Variants in ZCWPW2 observed in about 807,000 individuals in gnomAD.
The protein encoded by ZCWPW2 is zinc finger CW-type PWWP domain protein 2.
Under a neutral mutation model 46.6 loss-of-function variants are expected in ZCWPW2, and 45 were observed. The observed-to-expected ratio is 0.96, with a 90% CI of 0.76 to 1.24. The LOEUF is 1.24. Among genes scored for constraint, ZCWPW2 ranks in the 50% most tolerant of loss-of-function variants. ZCWPW2 has a pLI of 0.00. For missense variants in ZCWPW2, 429 were observed against 403.9 expected (o/e 1.06, Z -0.53); for synonymous variants, 152 against 137.1 (o/e 1.11, Z -0.76).
intron 4 of ZCWPW2, among the ~76,000 whole-genome samples, chr3:28,446,933 C>T (rs1199561961): frequency 6.6e-6 from 1 of 152,006 alleles, no homozygotes; most frequent in Non-Finnish European, 1.5e-5. Flanking sequence ...GGACAAATTC[C>T]TGGAAACACA....
At chr3:28,477,182 G>C (rs1349475168) in intron 4 of ZCWPW2, among the ~76,000 whole-genome samples, 1 of 152,124 alleles carries the variant, frequency 6.6e-6, no homozygotes, top group East Asian at 1.9e-4. Flanking sequence ...AATCTGTGAA[G>C]GCTAGCTTAG....
At chr3:28,441,002 G>A (rs1305116287) in intron 4 of ZCWPW2, among the ~76,000 whole-genome samples, 1 of 152,166 alleles carries the variant, frequency 6.6e-6, no homozygotes, top group Non-Finnish European at 1.5e-5. Context: ...AGTGGCTGTA[G>A]CCAGGTCACC....
At chr3:28,431,877 C>A (rs1697271554) in intron 3 of ZCWPW2, among the ~76,000 whole-genome samples, 1 of 152,246 alleles carries the variant, frequency 6.6e-6, no homozygotes, top group South Asian at 2.1e-4. Context: ...CACAGTTCAG[C>A]ATGGCTGGGG....
chr3:28,510,428 G>T (rs1700396126), intron 6 of ZCWPW2, among the ~76,000 whole-genome samples: 1 of 152,068 alleles, frequency 6.6e-6, no homozygotes, highest in African/African-American at 2.4e-5. Context: ...TTTGACTTTT[G>T]TAAATCCTCT....
chr3:28,420,096 G>T (rs1696706359), intron 3 of ZCWPW2, among the ~76,000 whole-genome samples: 1 of 151,768 alleles, frequency 6.6e-6, no homozygotes, highest in Non-Finnish European at 1.5e-5. Context: ...ACAGCTCCTG[G>T]AATCATTGAT....
At chr3:28,362,762 C>T (rs1704990500) in intron 1 of ZCWPW2, among the ~76,000 whole-genome samples, 1 of 152,096 alleles carries the variant, frequency 6.6e-6, no homozygotes, top group Non-Finnish European at 1.5e-5. Flanking sequence ...AAGACACATG[C>T]ATGTGTATGT....
At chr3:28,495,405 A>T (rs1189341721) in intron 6 of ZCWPW2, among the ~76,000 whole-genome samples, 1 of 152,130 alleles carries the variant, frequency 6.6e-6, no homozygotes, top group African/African-American at 2.4e-5. Flanking sequence ...TTGCTAAATG[A>T]TATTTAGAAT....
chr3:28,453,797 A>ATATTTATT lies in ZCWPW2; in HGVS notation c.492+18558_492+18565dup, dbSNP rs202155639. Among the ~76,000 whole-genome samples the ATATTTATT allele has an allele frequency of 9.9e-4, 146 of 148,174 alleles. 1 individual carries two copies. The highest frequency in any genetic ancestry group is 3.1e-3 in the African/African-American group (125 of 40,200). On this transcript the variant is annotated intron_variant, in intron 4 of 9. Coordinates refer to ENST00000383768, the MANE Select transcript of ZCWPW2 (RefSeq NM_001040432.4). ...TAATTGTGAAAGTTTATAATTGTGT[A>ATATTTATT]TATTTATTTATTTATTTATTTATTT...
At chr3:28,488,566 A>AATTATGTTAATATTTGT (rs1349352768) in intron 5 of ZCWPW2, among the ~76,000 whole-genome samples, 3 of 152,206 alleles carry the variant, frequency 2.0e-5, no homozygotes, top group Non-Finnish European at 4.4e-5. Flanking sequence ...TAAATCATTG[A>AATTATGTTAATATTTGT]ATTATGTTAA....
Position 28,492,178 on chromosome 3 carries a change from G to A in ZCWPW2, c.657+5G>A. On this transcript the variant is annotated splice_donor_5th_base_variant and intron_variant, in intron 6 of 9. Transcript: ENST00000383768. ...GCTGCACTGGTCAAGAAAAGGGTAA[G>A]ATTGTGTTTTATTATATAAAATATA... is the stretch of plus-strand genomic sequence containing the variant. The A allele has an allele frequency of 1.9e-6, 3 of 1,601,698 alleles. No homozygotes were observed. The highest frequency in any genetic ancestry group is 1.7e-5 in the Admixed American group (1 of 58,706).
intron 5 of ZCWPW2, among the ~76,000 whole-genome samples, chr3:28,488,845 A>C (rs1392241718): frequency 1.3e-5 from 2 of 152,208 alleles, no homozygotes; most frequent in Non-Finnish European, 2.9e-5. Flanking sequence ...AGGAAATTAA[A>C]TCTTTCTCAC....
intron 1 of ZCWPW2, among the ~76,000 whole-genome samples, chr3:28,383,987 C>T (rs1336879142): frequency 1.3e-5 from 2 of 152,042 alleles, no homozygotes; most frequent in African/African-American, 4.8e-5. Context: ...CAATATGCTC[C>T]ATACCACCAT....
chr3:28,390,114 A>T (rs1200947218), intron 1 of ZCWPW2, among the ~76,000 whole-genome samples: 1 of 152,206 alleles, frequency 6.6e-6, no homozygotes, highest in African/African-American at 2.4e-5. Flanking sequence ...TGGCCATGGG[A>T]ATGTCAGCCC....
intron 4 of ZCWPW2, among the ~76,000 whole-genome samples, chr3:28,477,041 T>C (rs911208073): frequency 6.6e-6 from 1 of 152,166 alleles, no homozygotes; most frequent in African/African-American, 2.4e-5. Context: ...GGGAATATTA[T>C]AGCAACTGTT....
At chr3:28,352,169 A>C (rs868194031) in intron 1 of ZCWPW2, among the ~76,000 whole-genome samples, 1 of 110,950 alleles carries the variant, frequency 9.0e-6, no homozygotes, top group Non-Finnish European at 1.9e-5. Context: ...CACACACACG[A>C]GAGAGAATTA....
chr3:28,428,149 T>A (rs1436083788), intron 3 of ZCWPW2: 1 of 152,368 alleles, frequency 6.6e-6, no homozygotes, highest in African/African-American at 2.4e-5. Flanking sequence ...GACAGCCTAA[T>A]AACAGTCGCC....
chr3:28,420,991 A>G (rs1696758997), intron 3 of ZCWPW2, among the ~76,000 whole-genome samples: 1 of 152,072 alleles, frequency 6.6e-6, no homozygotes, highest in Non-Finnish European at 1.5e-5. Context: ...TTGGTTCTTT[A>G]TATTTCCTAT....
chr3:28,524,483 G>T (rs1355305525), intron 9 of ZCWPW2, 44 bp from the exon 10 acceptor site: 1 of 1,572,398 alleles, frequency 6.4e-7, no homozygotes, highest in African/African-American at 1.4e-5. Flanking sequence ...CAATAATCAG[G>T]TAAATTTGAC....
At chr3:28,490,286 A>G (rs1218078341) in intron 5 of ZCWPW2, among the ~76,000 whole-genome samples, 1 of 152,158 alleles carries the variant, frequency 6.6e-6, no homozygotes, top group East Asian at 1.9e-4. Flanking sequence ...TTAAAACAGA[A>G]CCATCATTTG....
Sources: allele counts gnomAD v4.1 joint callset (sites outside exome capture counted in the v4.1 genomes callset), GRCh38; gene constraint gnomAD v4.1.1; transcripts MANE v1.5; gene names NCBI Gene and HGNC (gene_info 2026-07-23, HGNC 2026-07-21).